The following PLPPR1 variants were observed in gnomAD, a reference collection of about 807,000 sequenced individuals.
PLPPR1 encodes the protein phospholipid phosphatase-related protein type 1.
A neutral mutation model predicts 33.1 loss-of-function variants in PLPPR1; 10 were observed. The ratio of observed to expected loss-of-function variants is 0.30; its 90% CI spans 0.19 to 0.51. The LOEUF (loss-of-function observed/expected upper bound fraction) is 0.51, where lower values mean the gene tolerates loss of function less well. PLPPR1 is among the 20% of genes least tolerant of loss of function. PLPPR1 has a pLI of 0.97. For synonymous variants in PLPPR1, 151 were observed against 151.0 expected (o/e 1.00, Z 0.00); for missense variants, 304 against 408.1 (o/e 0.74, Z 2.20).
intron 1 of PLPPR1, among the ~76,000 whole-genome samples, chr9:101,149,893 G>A (rs1831561415): frequency 6.6e-6 from 1 of 151,538 alleles, no homozygotes; most frequent in South Asian, 2.1e-4. Flanking sequence ...CATTTTTTCT[G>A]TTCTCTTTTT....
chr9:101,142,424 C>A (rs898980308), intron 1 of PLPPR1, among the ~76,000 whole-genome samples: 2 of 152,196 alleles, frequency 1.3e-5, no homozygotes, highest in East Asian at 3.9e-4. Context: ...CCTGACCCCA[C>A]ATGCTTTTGT....
chr9:101,151,652 G>T (rs1046779195), intron 1 of PLPPR1, among the ~76,000 whole-genome samples: 13 of 152,076 alleles, frequency 8.5e-5, no homozygotes, highest in African/African-American at 3.1e-4. Flanking sequence ...CCCTACCATT[G>T]GTTTACAAAG....
chr9:101,210,232 T>C (rs1375768351), intron 2 of PLPPR1, among the ~76,000 whole-genome samples: 1 of 152,220 alleles, frequency 6.6e-6, no homozygotes, highest in Non-Finnish European at 1.5e-5. Context: ...TGCATATACC[T>C]TGAAGAAATT....
chr9:101,253,785 T>C (rs1827752270), intron 2 of PLPPR1, among the ~76,000 whole-genome samples: 1 of 152,142 alleles, frequency 6.6e-6, no homozygotes, highest in Non-Finnish European at 1.5e-5. Context: ...TACTGCCCAG[T>C]ATGTGGTTCA....
At chr9:101,255,908 A>ATAAC (rs1432692908) in intron 2 of PLPPR1, among the ~76,000 whole-genome samples, 29 of 152,336 alleles carry the variant, frequency 1.9e-4, no homozygotes, top group African/African-American at 7.0e-4. Context: ...AGGTAAAATA[A>ATAAC]TAACTCCTTA....
At chr9:101,258,346 T>C (rs1188415640) in intron 2 of PLPPR1, among the ~76,000 whole-genome samples, 1 of 152,156 alleles carries the variant, frequency 6.6e-6, no homozygotes, top group Non-Finnish European at 1.5e-5. Flanking sequence ...GTTATAACAC[T>C]GATAATATGG....
At chr9:101,207,216 TA>T (rs959636452) in intron 2 of PLPPR1, among the ~76,000 whole-genome samples, 13 of 152,158 alleles carry the variant, frequency 8.5e-5, no homozygotes, top group South Asian at 2.1e-4. Context: ...GATAAACCTT[TA>T]AAAAAAATCT....
chr9:101,172,028 T>C (rs117237100), intron 1 of PLPPR1, among the ~76,000 whole-genome samples: 1,554 of 152,268 alleles, frequency 0.01, 10 homozygotes, highest in Middle Eastern at 0.02. Flanking sequence ...TTACCTCCAA[T>C]TAAGATTTGG....
At chr9:101,282,844 A>G (rs1828327894) in intron 3 of PLPPR1, among the ~76,000 whole-genome samples, 1 of 152,246 alleles carries the variant, frequency 6.6e-6, no homozygotes, top group Non-Finnish European at 1.5e-5. Context: ...GATGAAAAGT[A>G]TCTACAATGA....
At chr9:101,205,241 C>T (rs142247033) in intron 2 of PLPPR1, among the ~76,000 whole-genome samples, 1 of 152,126 alleles carries the variant, frequency 6.6e-6, no homozygotes, top group Admixed American at 6.5e-5. Context: ...ATTCCTGATT[C>T]TCCTCTCAAA....
intron 2 of PLPPR1, among the ~76,000 whole-genome samples, chr9:101,203,295 C>T (rs1258178888): frequency 6.6e-6 from 1 of 152,040 alleles, no homozygotes; most frequent in Non-Finnish European, 1.5e-5. Context: ...TTTGCCATTA[C>T]TTTTAAAGCA....
At chr9:101,278,352 C>T (rs530479404) in intron 3 of PLPPR1, among the ~76,000 whole-genome samples, 2 of 152,042 alleles carry the variant, frequency 1.3e-5, no homozygotes, top group Non-Finnish European at 2.9e-5. Context: ...TAGTGCTATC[C>T]AGTAATCATA....
At chr9:101,050,892 T>A (rs1280726261) in intron 1 of PLPPR1, among the ~76,000 whole-genome samples, 4 of 152,120 alleles carry the variant, frequency 2.6e-5, no homozygotes, top group East Asian at 1.9e-4. Context: ...CCTCTGCACA[T>A]CTCCTTTCAT....
chr9:101,250,173 T>C (rs368534248), intron 2 of PLPPR1, among the ~76,000 whole-genome samples: 190 of 152,142 alleles, frequency 1.2e-3, no homozygotes, highest in African/African-American at 4.4e-3. Context: ...TCTTCCTCCC[T>C]TCTCAATACA....
intron 1 of PLPPR1, among the ~76,000 whole-genome samples, chr9:101,030,338 G>GGGAC (rs929497867): frequency 3.3e-4 from 49 of 150,756 alleles, no homozygotes; most frequent in Admixed American, 1.3e-3. Context: ...TTGACTGGAG[G>GGGAC]GGACGTACAC....
rs73656183 is a variant in PLPPR1, at chr9:101,192,893, A to G, written c.63+7336A>G. Among the ~76,000 whole-genome samples the G allele has an allele frequency of 6.9e-3, 1,050 of 152,322 alleles. 13 individuals are homozygous for G. Among genetic ancestry groups the G allele is most frequent in the African/African-American group, 0.023 (973 of 41,564 alleles). On this transcript the variant is annotated intron_variant, in intron 2 of 7. Transcript: ENST00000374874. ...TCTGCATGCATTTTCTTACTTAAAC[A>G]TCATTTGACTAGTGTTTGCAATATC...
At chr9:101,193,740 A>G (rs2118732864) in intron 2 of PLPPR1, among the ~76,000 whole-genome samples, 1 of 152,308 alleles carries the variant, frequency 6.6e-6, no homozygotes, top group South Asian at 2.1e-4. Flanking sequence ...CACTTTTTAA[A>G]TTTCAAATGA....
intron 2 of PLPPR1, among the ~76,000 whole-genome samples, chr9:101,223,036 G>A (rs996988632): frequency 1.3e-5 from 2 of 151,464 alleles, no homozygotes; most frequent in African/African-American, 2.4e-5. Context: ...AGTGGGGCCT[G>A]GTGCAGTGGC....
At chr9:101,281,343 C>G (rs1828300128) in intron 3 of PLPPR1, among the ~76,000 whole-genome samples, 1 of 152,054 alleles carries the variant, frequency 6.6e-6, no homozygotes, top group African/African-American at 2.4e-5. Flanking sequence ...CAAAAGTGAT[C>G]CACAGATTCA....
Sources: allele counts gnomAD v4.1 joint callset (sites outside exome capture counted in the v4.1 genomes callset), GRCh38; gene constraint gnomAD v4.1.1; transcripts MANE v1.5; gene names NCBI Gene and HGNC (gene_info 2026-07-23, HGNC 2026-07-21).